Variants in EPB41 observed in about 807,000 individuals in gnomAD.
EPB41 encodes the protein erythrocyte membrane protein band 4.1.
In EPB41, 65 loss-of-function variants were observed where a neutral mutation model predicts 108.0. The ratio of observed to expected loss-of-function variants is 0.60; its 90% CI spans 0.49 to 0.74. The LOEUF (loss-of-function observed/expected upper bound fraction) is 0.74. Among genes scored for constraint, EPB41 ranks in the 30% least tolerant of loss-of-function variants. EPB41 has a pLI of 0.00. For missense variants in EPB41, 875 were observed against 1,037.0 expected (o/e 0.84, Z 2.15); for synonymous variants, 336 against 358.9 (o/e 0.94, Z 0.72).
At chr1:29,102,786 G>T (rs1665864326) in intron 17 of EPB41, among the ~76,000 whole-genome samples, 1 of 151,042 alleles carries the variant, frequency 6.6e-6, no homozygotes, top group African/African-American at 2.4e-5. Flanking sequence ...TTTTATTTTT[G>T]TTTGAGACAG....
chr1:28,939,227 A>G (rs2094176104), intron 1 of EPB41, among the ~76,000 whole-genome samples: 1 of 152,004 alleles, frequency 6.6e-6, no homozygotes, highest in African/African-American at 2.4e-5. Context: ...GTATTTTCAA[A>G]TGCTTTTTTT....
At chr1:29,009,817 TATTA>T (rs2096468812) in intron 4 of EPB41, among the ~76,000 whole-genome samples, 1 of 152,202 alleles carries the variant, frequency 6.6e-6, no homozygotes. Context: ...TTATTATATA[TATTA>T]ATTTTCTGGT....
At chr1:29,056,449 G>A (rs1001445249) in intron 12 of EPB41, among the ~76,000 whole-genome samples, 2 of 152,082 alleles carry the variant, frequency 1.3e-5, no homozygotes, top group African/African-American at 2.4e-5. Flanking sequence ...TATACCTGTA[G>A]GTGCTGTCTC....
intron 1 of EPB41, among the ~76,000 whole-genome samples, chr1:28,905,911 A>G (rs1351268341): frequency 1.4e-5 from 2 of 145,560 alleles, no homozygotes; most frequent in Non-Finnish European, 3.0e-5. Flanking sequence ...TCTGCCTCCC[A>G]GGTTCAAGTG....
At chr1:28,898,923 T>A (rs940093392) in intron 1 of EPB41, among the ~76,000 whole-genome samples, 1 of 152,254 alleles carries the variant, frequency 6.6e-6, no homozygotes, top group Admixed American at 6.5e-5. Flanking sequence ...AGCCCTTTTT[T>A]TCTGGTGCTT....
chr1:28,958,319 T>A (rs1415567711), intron 1 of EPB41, among the ~76,000 whole-genome samples: 1 of 152,026 alleles, frequency 6.6e-6, no homozygotes, highest in East Asian at 1.9e-4. Flanking sequence ...TATGGTGGCA[T>A]GCACCTGTAA....
At chr1:28,926,305 T>C (rs1174489162) in intron 1 of EPB41, among the ~76,000 whole-genome samples, 3 of 152,234 alleles carry the variant, frequency 2.0e-5, no homozygotes, top group African/African-American at 7.2e-5. Context: ...AATACATATC[T>C]TTTAAGGTTA....
At chr1:29,040,336 G>A (rs987514765) in intron 11 of EPB41, among the ~76,000 whole-genome samples, 7 of 151,608 alleles carry the variant, frequency 4.6e-5, no homozygotes, top group African/African-American at 1.7e-4. Context: ...CTGGAGTGCA[G>A]TGACTCAACC....
At chr1:28,983,306 T>C (rs2762682) in intron 1 of EPB41, among the ~76,000 whole-genome samples, 118,944 of 152,142 alleles carry the variant, frequency 0.78, 47,107 homozygotes, top group East Asian at 0.92. Flanking sequence ...AAGTATTTCC[T>C]GCTCTTCATA....
upstream of EPB41, chr1:28,887,141 AC>A (rs1369056829): frequency 7.0e-6 from 7 of 993,696 alleles, no homozygotes; most frequent in African/African-American, 6.7e-5. This position sits in a 1 kb window ranked among gnomAD's most constrained non-coding sequence, Gnocchi z 4.9. Context: ...AGTGGCAGGA[AC>A]CTCTTAAAGG....
In EPB41 at chr1:29,032,181, T is replaced by C. The variant is rs547000764; in HGVS notation, c.1213-912T>C. ...ACTTCTATGAATCTCTAAAGTATAT[T>C]GTAGGAAGATCAGTACATCAGATTA... is the stretch of plus-strand genomic sequence containing the variant. On this transcript the variant is annotated intron_variant, in intron 8 of 20. Transcript: ENST00000343067. Among the ~76,000 whole-genome samples the C allele has an allele frequency of 4.6e-5, 7 of 152,242 alleles. No individual in the cohort carries two copies. The East Asian group carries it at 1.3e-3, about 29-fold the overall frequency.
chr1:29,031,420 G>A (rs753725441), intron 8 of EPB41, among the ~76,000 whole-genome samples: 1 of 152,172 alleles, frequency 6.6e-6, no homozygotes, highest in African/African-American at 2.4e-5. Context: ...GTTCTAGAAT[G>A]TCTTGGTTTA....
chr1:28,961,498 GT>G (rs1231907337), intron 1 of EPB41, among the ~76,000 whole-genome samples: 1 of 152,112 alleles, frequency 6.6e-6, no homozygotes, highest in African/African-American at 2.4e-5. Flanking sequence ...TGAACACCCG[GT>G]TTATAGTCCC....
At chr1:29,019,427 G>A (rs1195175106) in intron 7 of EPB41, among the ~76,000 whole-genome samples, 2 of 152,136 alleles carry the variant, frequency 1.3e-5, no homozygotes, top group Admixed American at 6.5e-5. Context: ...AAAAAATTCA[G>A]TAAATATTAG....
At chr1:29,086,689 A>G (rs1371244389) in intron 16 of EPB41, among the ~76,000 whole-genome samples, 3 of 152,186 alleles carry the variant, frequency 2.0e-5, no homozygotes, top group African/African-American at 7.2e-5. Flanking sequence ...TTATATAGAA[A>G]GATAAAATGA....
At chr1:28,938,017 G>T (rs2094118907) in intron 1 of EPB41, among the ~76,000 whole-genome samples, 1 of 152,186 alleles carries the variant, frequency 6.6e-6, no homozygotes, top group Non-Finnish European at 1.5e-5. Flanking sequence ...ATAGATGTAT[G>T]AGTTTATTTC....
At chr1:29,070,892 C>A in intron 16 of EPB41, 1 of 319,192 alleles carries the variant, frequency 3.1e-6, no homozygotes, top group Non-Finnish European at 5.6e-6. Flanking sequence ...GGTAATCTTC[C>A]CAAAAGCTTT....
At chr1:29,099,400 G>A (rs1249152096) in intron 17 of EPB41, among the ~76,000 whole-genome samples, 2 of 151,848 alleles carry the variant, frequency 1.3e-5, no homozygotes, top group Admixed American at 1.3e-4. Context: ...ATCTTAGCTC[G>A]CTGCAGCCTA....
At chr1:28,920,976 T>C (rs1357420876) in intron 1 of EPB41, among the ~76,000 whole-genome samples, 1 of 152,142 alleles carries the variant, frequency 6.6e-6, no homozygotes, top group Non-Finnish European at 1.5e-5. Context: ...TCTATGTTGC[T>C]GAGGTTGGTG....
Sources: allele counts gnomAD v4.1 joint callset (sites outside exome capture counted in the v4.1 genomes callset), GRCh38; gene constraint gnomAD v4.1.1; non-coding constraint Gnocchi (gnomAD v3.1); transcripts MANE v1.5; gene names NCBI Gene and HGNC (gene_info 2026-07-23, HGNC 2026-07-21).